CPLX1: variants seen among roughly 807,000 people sequenced by gnomAD.
CPLX1 encodes complexin 1.
Under a neutral mutation model 15.6 loss-of-function variants are expected in CPLX1, and 6 were observed. That is an observed-to-expected ratio of 0.39 (90% CI 0.21 to 0.76). The LOEUF (loss-of-function observed/expected upper bound fraction) is 0.76, where lower values mean the gene tolerates loss of function less well. Among genes scored for constraint, CPLX1 ranks in the 30% least tolerant of loss-of-function variants. CPLX1 has a pLI of 0.43. For missense variants in CPLX1, 242 were observed against 188.6 expected, an observed-to-expected ratio of 1.28 and a Z score of -1.66; for synonymous variants, 91 against 75.2, an observed-to-expected ratio of 1.21 and a Z score of -1.08.
chr4:811,143 G>A (rs967999806), intron 2 of CPLX1, among the ~76,000 whole-genome samples: 2 of 152,074 alleles, frequency 1.3e-5, no homozygotes, highest in Admixed American at 1.3e-4. Context: ...CAGACAACAA[G>A]GGCACACTGC....
At chr4:792,366 G>T in intron 3 of CPLX1, 67 bp downstream of exon 3, 1 of 1,387,124 alleles carries the variant, frequency 7.2e-7, no homozygotes, top group Non-Finnish European at 9.5e-7. Flanking sequence ...CTTCCACCCA[G>T]GCGGGATCTG....
At chr4:788,378 G>A in intron 3 of CPLX1, 1 of 985,276 alleles carries the variant, frequency 1.0e-6, no homozygotes, top group Non-Finnish European at 1.2e-6. Flanking sequence ...ATGGAAAGGA[G>A]GGCGCCACGT....
intron 2 of CPLX1, among the ~76,000 whole-genome samples, chr4:794,934 G>A (rs11723514): frequency 0.19 from 28,939 of 152,214 alleles, 3,291 homozygotes; most frequent in Middle Eastern, 0.34. Flanking sequence ...CTGCTCCAGG[G>A]GTGCCTGTGG....
At position 798,998 on chromosome 4, in the gene CPLX1, G is replaced by T. The variant is rs537222142; in HGVS notation, c.32-6390C>A. 3.9e-5 allele frequency among the ~76,000 whole-genome samples: 6 copies of T among 152,150 alleles called. No homozygotes were observed. In the South Asian group the frequency reaches 1.2e-3, roughly 32 times the overall value. Reference sequence around the variant, plus strand: ...TTTTTGCTCTTCTGCGATATTATGAGATATATATATATGTTTTCATCTATG... The same window carrying T: ...TTTTTGCTCTTCTGCGATATTATGATATATATATATATGTTTTCATCTATG... On this transcript the variant is annotated intron_variant, in intron 2 of 3. Transcript: ENST00000304062.
intron 2 of CPLX1, among the ~76,000 whole-genome samples, chr4:811,543 G>C (rs1198197645): frequency 6.6e-6 from 1 of 152,160 alleles, no homozygotes; most frequent in Non-Finnish European, 1.5e-5. Flanking sequence ...ATACCTTTCT[G>C]TCTTTATTTC....
chr4:817,040 A>G (rs1033933852), intron 2 of CPLX1, among the ~76,000 whole-genome samples: 1 of 152,150 alleles, frequency 6.6e-6, no homozygotes, highest in African/African-American at 2.4e-5. Flanking sequence ...AATAAATGAA[A>G]CAGCAAGAAA....
intron 2 of CPLX1, among the ~76,000 whole-genome samples, chr4:813,537 C>A (rs1406417661): frequency 2.0e-5 from 3 of 152,110 alleles, no homozygotes; most frequent in Admixed American, 1.3e-4. Context: ...CCACCACCCA[C>A]GTGGCAATGA....
intron 2 of CPLX1, among the ~76,000 whole-genome samples, chr4:812,271 A>G (rs936416861): frequency 5.3e-5 from 8 of 152,020 alleles, no homozygotes; most frequent in Admixed American, 4.6e-4. Flanking sequence ...AGACAGGGGT[A>G]TCACCATGTT....
intron 2 of CPLX1, among the ~76,000 whole-genome samples, chr4:817,817 C>T (rs1746786752): frequency 6.6e-6 from 1 of 152,108 alleles, no homozygotes; most frequent in Non-Finnish European, 1.5e-5. Flanking sequence ...AGACCCTCCC[C>T]AGGTGCCCAT....
At chr4:820,397 CAAG>C (rs1053759573) in intron 2 of CPLX1, among the ~76,000 whole-genome samples, 17 of 152,206 alleles carry the variant, frequency 1.1e-4, no homozygotes, top group African/African-American at 4.1e-4. Context: ...TCAAACTGGG[CAAG>C]AAGAGAGAGG....
Position 797,790 on chromosome 4 carries a change from G to A in CPLX1, c.32-5182C>T, listed in dbSNP as rs547518121. 5.4e-4 allele frequency among the ~76,000 whole-genome samples: 82 copies of A among 152,100 alleles called. 3 individuals are homozygous for A. In the South Asian group the frequency reaches 0.017, roughly 31 times the overall value. ...CTACTAAAAATACAAAAAAGTAGCC[G>A]GGCATGGTGGCGGGCGCCTGTAGTC... On this transcript the variant is annotated intron_variant, in intron 2 of 3. Coordinates refer to ENST00000304062, the MANE Select transcript of CPLX1 (RefSeq NM_006651.4).
At chr4:788,677 T>C (rs1746075342) in intron 3 of CPLX1, among the ~76,000 whole-genome samples, 1 of 151,992 alleles carries the variant, frequency 6.6e-6, no homozygotes, top group South Asian at 2.1e-4. Flanking sequence ...GGCACGGAAG[T>C]GGAGGGAGCA....
intron 3 of CPLX1, among the ~76,000 whole-genome samples, chr4:791,452 C>T (rs1228985272): frequency 6.6e-6 from 1 of 152,138 alleles, no homozygotes; most frequent in Non-Finnish European, 1.5e-5. Flanking sequence ...ACCTGCCCCG[C>T]CCCTGCCCTC....
At chr4:803,533 G>GGCGTCC (rs2152645704) in intron 2 of CPLX1, among the ~76,000 whole-genome samples, 1 of 135,288 alleles carries the variant, frequency 7.4e-6, no homozygotes, top group South Asian at 2.1e-4. Flanking sequence ...TGGGACTGCA[G>GGCGTCC]GCGTCCGCCA....
intron 2 of CPLX1, among the ~76,000 whole-genome samples, chr4:821,170 G>A (rs1176302128): frequency 1.3e-5 from 2 of 152,354 alleles, no homozygotes; most frequent in East Asian, 1.9e-4. Context: ...CGCCCCCCAG[G>A]TTGGGCCTGG....
At chr4:813,488 A>G (rs1746698501) in intron 2 of CPLX1, among the ~76,000 whole-genome samples, 1 of 152,082 alleles carries the variant, frequency 6.6e-6, no homozygotes, top group Non-Finnish European at 1.5e-5. Context: ...TGGGGCAGAC[A>G]TGAGGGATGG....
rs192185867 is a variant in CPLX1 at position 822,482 on chromosome 4, G to A, written c.31+2010C>T. Among the ~76,000 whole-genome samples the A allele has an allele frequency of 6.6e-5, 10 of 152,116 alleles. No individual in the cohort carries two copies. The East Asian group carries it at 7.7e-4, about 12-fold the overall frequency. On this transcript the variant is annotated intron_variant, in intron 2 of 3. Transcript: ENST00000304062. ...TGTTTTCACCTGTCTGTCCCTGTGC[G>A]TGCTGAATAACACATTCTTGTCTTT... is the stretch of plus-strand genomic sequence containing the variant.
At chr4:798,721 G>A (rs1746393478) in intron 2 of CPLX1, among the ~76,000 whole-genome samples, 1 of 152,166 alleles carries the variant, frequency 6.6e-6, no homozygotes, top group African/African-American at 2.4e-5. Flanking sequence ...GAAGCGCACT[G>A]GCTCAATTCA....
At chr4:820,844 G>A (rs988860207) in intron 2 of CPLX1, among the ~76,000 whole-genome samples, 4 of 151,908 alleles carry the variant, frequency 2.6e-5, no homozygotes, top group African/African-American at 4.8e-5. Context: ...GGTGGACACC[G>A]GTGGCCCCCA....
Sources: gnomAD v4.1 joint callset for allele counts (sites outside exome capture counted in the v4.1 genomes callset) on GRCh38, gnomAD v4.1.1 for gene constraint, MANE v1.5 for transcripts, NCBI Gene and HGNC (gene_info 2026-07-23, HGNC 2026-07-21) for gene names.